The following JMJD1C variants were observed in gnomAD, a reference collection of about 807,000 sequenced individuals.
JMJD1C encodes the protein jumonji domain-containing protein 1C.
In JMJD1C, 31 loss-of-function variants were observed where a neutral mutation model predicts 245.3. The ratio of observed to expected loss-of-function variants is 0.13; its 90% confidence interval spans 0.09 to 0.17. The LOEUF (loss-of-function observed/expected upper bound fraction) is 0.17. Ranked by LOEUF, JMJD1C falls within the 10% of genes least tolerant of loss-of-function variation. JMJD1C has a pLI of 1.00. For synonymous variants in JMJD1C, 1,057 were observed against 1,017.4 expected, an observed-to-expected ratio of 1.04 and a Z score of -0.74; for missense variants, 2,691 against 3,000.2, an observed-to-expected ratio of 0.90 and a Z score of 2.41.
chr10:63,193,238 C>A, intron 15 of JMJD1C, 87 bp from the exon 16 acceptor site: 1 of 1,467,426 alleles, frequency 6.8e-7, no homozygotes, highest in South Asian at 1.2e-5. Flanking sequence ...CACAGAAACA[C>A]AGCAAACCTA....
At chr10:63,387,112 G>C (rs971892413) in intron 1 of JMJD1C, among the ~76,000 whole-genome samples, 1 of 152,098 alleles carries the variant, frequency 6.6e-6, no homozygotes, top group Non-Finnish European at 1.5e-5. Context: ...CATATATCCA[G>C]AATCAAAGCA....
chr10:63,379,184 T>C (rs930708989), intron 2 of JMJD1C, among the ~76,000 whole-genome samples: 1 of 152,148 alleles, frequency 6.6e-6, no homozygotes, highest in East Asian at 1.9e-4. Context: ...AAGCAGAAGC[T>C]ATCCTTGTAA....
At chr10:63,358,072 T>C (rs1255052463) in intron 2 of JMJD1C, among the ~76,000 whole-genome samples, 2 of 152,078 alleles carry the variant, frequency 1.3e-5, no homozygotes, top group South Asian at 4.1e-4. Context: ...CTGTTTTGAA[T>C]TACAATAATG....
chr10:63,181,278 A>C (rs1843444030), intron 22 of JMJD1C, among the ~76,000 whole-genome samples: 2 of 152,226 alleles, frequency 1.3e-5, no homozygotes, highest in Admixed American at 1.3e-4. Context: ...TGGTTTTCTG[A>C]CATTTTTCCT....
chr10:63,422,077 TAGA>T (rs1554930970), intron 1 of JMJD1C, among the ~76,000 whole-genome samples: 1 of 152,154 alleles, frequency 6.6e-6, no homozygotes, highest in Non-Finnish European at 1.5e-5. Flanking sequence ...TTTGAGATCA[TAGA>T]AGAGAGAGAC....
intron 1 of JMJD1C, among the ~76,000 whole-genome samples, chr10:63,462,729 A>G (rs1307534631): frequency 2.6e-5 from 4 of 152,198 alleles, no homozygotes; most frequent in Non-Finnish European, 4.4e-5. Flanking sequence ...AGCTTCTAAA[A>G]ACTAGAAAAG....
intron 1 of JMJD1C, among the ~76,000 whole-genome samples, chr10:63,395,097 G>A (rs1044406354): frequency 6.6e-6 from 1 of 152,078 alleles, no homozygotes; most frequent in African/African-American, 2.4e-5. Flanking sequence ...CAGCAAGTAA[G>A]CACATCAAAA....
chr10:63,288,037 G>A (rs1858192300), intron 2 of JMJD1C, among the ~76,000 whole-genome samples: 1 of 152,030 alleles, frequency 6.6e-6, no homozygotes, highest in Admixed American at 6.6e-5. Flanking sequence ...GAGCCACTGC[G>A]CCCAGCTAAA....
chr10:63,194,780 AT>A, intron 13 of JMJD1C: 1 of 168,664 alleles, frequency 5.9e-6, no homozygotes, highest in Non-Finnish European at 1.3e-5. Flanking sequence ...CTGTTAATTC[AT>A]TTTCCTCTTA....
intron 2 of JMJD1C, among the ~76,000 whole-genome samples, chr10:63,301,297 G>C (rs1353938773): frequency 6.6e-6 from 1 of 152,190 alleles, no homozygotes; most frequent in African/African-American, 2.4e-5. Context: ...TGACAGGCAT[G>C]AACCACCACA....
Position 63,214,434 on chromosome 10 carries a change from C to T in JMJD1C, c.1733G>A (p.Ser578Asn), listed in dbSNP as rs748750435. The T allele has an allele frequency of 9.9e-6, 16 of 1,613,910 alleles. No homozygotes were observed. The South Asian group carries it at 1.8e-4, about 18-fold the overall frequency. Residue 578 changes from serine (S) to asparagine (N), a missense_variant, in exon 8 of 26, where the codon AGT (serine) becomes AAT (asparagine). By Grantham distance (46) the Ser-to-Asn change is conservative (BLOSUM62 1). Transcript: ENST00000399262. The stretch of plus-strand genomic sequence containing the variant: ...ATTTCCTGAAGAAGCATTTGTAACA[C>T]TTGATTGGGTTAGATCCACTTTAAC... ...DVVKVDLTQS[S>N]VTNASSGNDH...
chr10:63,431,497 T>C (rs1589736190), intron 1 of JMJD1C, among the ~76,000 whole-genome samples: 1 of 152,220 alleles, frequency 6.6e-6, no homozygotes. Flanking sequence ...TACTCCTGCT[T>C]TCTTACCAAA....
chr10:63,329,878 G>A (rs1480530107), intron 2 of JMJD1C, among the ~76,000 whole-genome samples: 2 of 152,096 alleles, frequency 1.3e-5, no homozygotes, highest in African/African-American at 2.4e-5. Context: ...CAACTATAGG[G>A]TAAGTGTCCT....
intron 4 of JMJD1C, among the ~76,000 whole-genome samples, chr10:63,219,541 T>C (rs1848371443): frequency 6.6e-6 from 1 of 152,174 alleles, no homozygotes; most frequent in Admixed American, 6.5e-5. Context: ...AGGAAATCAA[T>C]TGTGGCTGTG....
intron 11 of JMJD1C, among the ~76,000 whole-genome samples, chr10:63,199,499 T>C (rs1845794600): frequency 6.6e-6 from 1 of 152,214 alleles, no homozygotes; most frequent in African/African-American, 2.4e-5. Flanking sequence ...TTCCTTCTTT[T>C]TAAACCAAAT....
chr10:63,245,399 T>C (rs971681970), intron 3 of JMJD1C, among the ~76,000 whole-genome samples: 1 of 149,742 alleles, frequency 6.7e-6, no homozygotes, highest in East Asian at 2.0e-4. Flanking sequence ...CTCACAATTA[T>C]GGCAGAAGGC....
chr10:63,269,704 ATATT>A (rs2133822026), intron 2 of JMJD1C, among the ~76,000 whole-genome samples: 1 of 152,312 alleles, frequency 6.6e-6, no homozygotes, highest in Admixed American at 6.5e-5. Context: ...AAAACTGGTA[ATATT>A]TATTTTGGTA....
rs746086764 is a variant in JMJD1C at position 63,189,381 on chromosome 10, G to A, written c.6357C>T (p.Asn2119=). ...TGGAGGTTTTACTTGGTGGAATTTT[G>A]TTTTCAACAACTGAAGCAATTATGT... is the stretch of plus-strand genomic sequence containing the variant. ...LDDIIASVVE[N]KIPPSKTSKI... Residue 2119 remains asparagine (N), a synonymous_variant, in exon 18 of 26, where the codon AAC becomes AAT. Transcript: ENST00000399262. The A allele has an allele frequency of 6.2e-7, 1 of 1,613,520 alleles. No individual in the cohort carries two copies. The highest frequency in any genetic ancestry group is 2.2e-5 in the East Asian group (1 of 44,798).
chr10:63,370,704 G>A (rs999062773), intron 2 of JMJD1C, among the ~76,000 whole-genome samples: 1 of 152,250 alleles, frequency 6.6e-6, no homozygotes, highest in Non-Finnish European at 1.5e-5. Flanking sequence ...TTTTTATTAA[G>A]TGTTAATTCT....
Sources: gnomAD v4.1 joint callset for allele counts (sites outside exome capture counted in the v4.1 genomes callset) on GRCh38, gnomAD v4.1.1 for gene constraint, MANE v1.5 for transcripts, NCBI Gene and HGNC (gene_info 2026-07-23, HGNC 2026-07-21) for gene names.